The following NCOA7 variants were observed in gnomAD, a reference collection of about 807,000 sequenced individuals.
NCOA7 encodes nuclear receptor coactivator 7, also known as 140 kDa estrogen receptor-associated protein.
In NCOA7, 45 loss-of-function variants were observed where a neutral mutation model predicts 104.3. The ratio of observed to expected loss-of-function variants is 0.43; its 90% CI spans 0.34 to 0.55. NCOA7 has a LOEUF of 0.55. Among genes scored for constraint, NCOA7 ranks in the 20% least tolerant of loss-of-function variants. The pLI, the probability that NCOA7 is intolerant of heterozygous loss-of-function variation, is 0.02. For synonymous variants in NCOA7, 398 were observed against 402.3 expected (o/e 0.99, Z 0.13); for missense variants, 1,041 against 1,119.7 (o/e 0.93, Z 1.00).
At chr6:125,799,885 A>C (rs1346973767) in intron 1 of NCOA7, among the ~76,000 whole-genome samples, 1 of 152,202 alleles carries the variant, frequency 6.6e-6, no homozygotes, top group African/African-American at 2.4e-5. Context: ...ATAACGTATG[A>C]GTGTTCTGTT....
At chr6:125,790,520 G>A (rs1774727367), upstream of NCOA7, among the ~76,000 whole-genome samples, 3 of 152,138 alleles carry the variant, frequency 2.0e-5, no homozygotes, top group Non-Finnish European at 4.4e-5. Flanking sequence ...CGGCAGCGGA[G>A]GCTGCAGCAG....
At chr6:125,867,546 G>A (rs1415363105) in intron 3 of NCOA7, among the ~76,000 whole-genome samples, 1 of 152,196 alleles carries the variant, frequency 6.6e-6, no homozygotes, top group East Asian at 1.9e-4. Flanking sequence ...AGATTGCCTT[G>A]TGGTGCTGTG....
intron 2 of NCOA7, 50 bp from the exon 3 acceptor site, chr6:125,854,970 C>A (rs770426906): frequency 1.6e-6 from 2 of 1,268,412 alleles, no homozygotes; most frequent in Non-Finnish European, 2.2e-6. Context: ...ATGATTTCTA[C>A]CAGCAAATCA....
At chr6:125,921,148 G>A (rs572623301) in intron 12 of NCOA7, 80 bp downstream of exon 12, 2 of 1,531,712 alleles carry the variant, frequency 1.3e-6, no homozygotes, top group South Asian at 2.3e-5. Context: ...AGTGGCTCAT[G>A]CCTGTAATCC....
chr6:125,915,541 T>C, intron 11 of NCOA7, 61 bp downstream of exon 11: 1 of 1,595,988 alleles, frequency 6.3e-7, no homozygotes, highest in Non-Finnish European at 8.6e-7. Context: ...CAGTCTCGCA[T>C]TCAGATTCCA....
At chr6:125,838,773 C>A (rs548119286) in intron 2 of NCOA7, among the ~76,000 whole-genome samples, 4 of 152,258 alleles carry the variant, frequency 2.6e-5, no homozygotes, top group African/African-American at 9.6e-5. Flanking sequence ...TGGGGTTTCC[C>A]ATGACCGCCT....
chr6:125,858,137 A>G (rs182154275), intron 3 of NCOA7, among the ~76,000 whole-genome samples: 32 of 152,172 alleles, frequency 2.1e-4, no homozygotes, highest in Non-Finnish European at 3.5e-4. Context: ...ACCTATGTAC[A>G]GGCTGGGGTG....
chr6:125,805,880 C>T (rs143899954), intron 1 of NCOA7, among the ~76,000 whole-genome samples: 191 of 152,252 alleles, frequency 1.3e-3, no homozygotes, highest in Admixed American at 3.5e-3. Flanking sequence ...ATTTTCTGTT[C>T]CATGGGGCAC....
intron 2 of NCOA7, among the ~76,000 whole-genome samples, chr6:125,827,188 CAAAA>C (rs66522338): frequency 4.9e-4 from 39 of 79,010 alleles, no homozygotes; most frequent in South Asian, 1.9e-3. Context: ...AACTCCATCT[CAAAA>C]AAAAAAAAAA....
At chr6:125,921,701 T>C (rs1787603114) in intron 12 of NCOA7, among the ~76,000 whole-genome samples, 1 of 152,210 alleles carries the variant, frequency 6.6e-6, no homozygotes, top group South Asian at 2.1e-4. Flanking sequence ...AAATTTATCC[T>C]TGTAATTATT....
At chr6:125,917,054 C>T (rs900779471) in intron 11 of NCOA7, among the ~76,000 whole-genome samples, 4 of 152,110 alleles carry the variant, frequency 2.6e-5, no homozygotes, top group Non-Finnish European at 5.9e-5. Context: ...ATACTCTGTG[C>T]TTAAAAGCTT....
At chr6:125,796,834 T>C (rs1412686656) in intron 1 of NCOA7, 1 of 152,116 alleles carries the variant, frequency 6.6e-6, no homozygotes, top group Admixed American at 6.5e-5. Flanking sequence ...TTTGTATTTT[T>C]AGTAGAGACA....
At chr6:125,787,107 A>T (rs1478018114), upstream of NCOA7, among the ~76,000 whole-genome samples, 2 of 150,700 alleles carry the variant, frequency 1.3e-5, no homozygotes, top group East Asian at 3.9e-4. Flanking sequence ...GGGTGACCTA[A>T]TGAGACCCTG....
chr6:125,830,737 A>ATATG (rs1453188613), intron 2 of NCOA7, among the ~76,000 whole-genome samples: 281 of 93,048 alleles, frequency 3.0e-3, no homozygotes, highest in African/African-American at 0.012. Flanking sequence ...ATATATATAT[A>ATATG]TGTGTGTGTG....
chr6:125,827,401 G>C (rs867407668), intron 2 of NCOA7, among the ~76,000 whole-genome samples: 1 of 151,988 alleles, frequency 6.6e-6, no homozygotes, highest in Non-Finnish European at 1.5e-5. Flanking sequence ...TTCAACATGA[G>C]TTTTGGAGGG....
intron 1 of NCOA7, among the ~76,000 whole-genome samples, chr6:125,795,165 G>A (rs146883533): frequency 6.6e-6 from 1 of 152,300 alleles, no homozygotes; most frequent in East Asian, 1.9e-4. Context: ...ACAGTAAGCA[G>A]AAAGATTGGC....
intron 1 of NCOA7, among the ~76,000 whole-genome samples, chr6:125,811,897 A>T (rs571638985): frequency 6.6e-6 from 1 of 152,110 alleles, no homozygotes; most frequent in Non-Finnish European, 1.5e-5. Flanking sequence ...TTGACTCCGG[A>T]CTACTTTTTC....
chr6:125,830,995 C>T (rs1451639171), intron 2 of NCOA7, among the ~76,000 whole-genome samples: 5 of 151,924 alleles, frequency 3.3e-5, no homozygotes, highest in Non-Finnish European at 5.9e-5. Context: ...CCCTAGATTG[C>T]GTCAGATATG....
chr6:125,788,498 T>C (rs745707647), upstream of NCOA7, among the ~76,000 whole-genome samples: 3 of 151,836 alleles, frequency 2.0e-5, no homozygotes, highest in Non-Finnish European at 2.9e-5. Flanking sequence ...GAGGAGTTCA[T>C]AAAGATGGAT....
Sources: allele counts gnomAD v4.1 joint callset (sites outside exome capture counted in the v4.1 genomes callset), GRCh38; gene constraint gnomAD v4.1.1; transcripts MANE v1.5; gene names NCBI Gene and HGNC (gene_info 2026-07-23, HGNC 2026-07-21).